The following NRXN3 variants were observed in gnomAD, a reference collection of about 807,000 sequenced individuals.
The protein encoded by NRXN3 is neurexin 3.
A neutral mutation model predicts 137.6 loss-of-function variants in NRXN3; 32 were observed. That is an observed-to-expected ratio of 0.23 (90% confidence interval 0.18 to 0.31). The LOEUF (loss-of-function observed/expected upper bound fraction) is 0.31, where lower values mean the gene tolerates loss of function less well. NRXN3 is among the 10% of genes least tolerant of loss of function. The pLI is 1.00. For synonymous variants in NRXN3, 798 were observed against 784.5 expected (o/e 1.02, Z -0.29); for missense variants, 1,574 against 2,062.5 (o/e 0.76, Z 4.59).
chr14:78,985,835 G>A (rs1404596833), intron 14 of NRXN3, among the ~76,000 whole-genome samples: 4 of 152,164 alleles, frequency 2.6e-5, no homozygotes, highest in African/African-American at 4.8e-5. Flanking sequence ...AATGAAACTT[G>A]TATAACACAA....
intron 20 of NRXN3, among the ~76,000 whole-genome samples, chr14:79,823,282 C>A (rs1349107963): frequency 6.6e-6 from 1 of 152,030 alleles, no homozygotes; most frequent in East Asian, 1.9e-4. Context: ...AAATTCATGC[C>A]AAATTTACTG....
chr14:78,555,060 A>C (rs1189631945), intron 4 of NRXN3, among the ~76,000 whole-genome samples: 1 of 152,116 alleles, frequency 6.6e-6, no homozygotes, highest in Non-Finnish European at 1.5e-5. Context: ...GGCAAGTCAC[A>C]TACCATCCTC....
At chr14:79,288,502 A>G (rs1426100175) in intron 15 of NRXN3, among the ~76,000 whole-genome samples, 1 of 152,224 alleles carries the variant, frequency 6.6e-6, no homozygotes, top group Non-Finnish European at 1.5e-5. Context: ...GACTTCATTT[A>G]ATCCTCACTA....
intron 8 of NRXN3, among the ~76,000 whole-genome samples, chr14:78,730,664 T>A (rs2098510856): frequency 6.6e-6 from 1 of 152,182 alleles, no homozygotes; most frequent in Non-Finnish European, 1.5e-5. Flanking sequence ...CCCTAAGGCC[T>A]CTTTGAGCAC....
chr14:78,873,150 T>G (rs2152571059), intron 10 of NRXN3, among the ~76,000 whole-genome samples: 1 of 152,334 alleles, frequency 6.6e-6, no homozygotes. Context: ...TGTTTACTAC[T>G]GGCTTCTTTC....
At chr14:79,816,844 A>T (rs1180104895) in intron 20 of NRXN3, among the ~76,000 whole-genome samples, 1 of 152,214 alleles carries the variant, frequency 6.6e-6, no homozygotes, top group East Asian at 1.9e-4. Context: ...CATGAGAACC[A>T]TAGTACTGCA....
intron 15 of NRXN3, among the ~76,000 whole-genome samples, chr14:78,996,237 G>A (rs2099529824): frequency 6.6e-6 from 1 of 152,182 alleles, no homozygotes; most frequent in Admixed American, 6.5e-5. Context: ...CCAATGTGCT[G>A]AATTCATTGT....
intron 19 of NRXN3, among the ~76,000 whole-genome samples, chr14:79,751,205 A>G (rs985325405): frequency 1.6e-4 from 25 of 152,204 alleles, no homozygotes; most frequent in Non-Finnish European, 3.5e-4. Flanking sequence ...ACCCATGAGC[A>G]TGGAATGTTC....
chr14:78,947,444 C>T (rs1359225866), intron 10 of NRXN3, among the ~76,000 whole-genome samples: 1 of 152,110 alleles, frequency 6.6e-6, no homozygotes, highest in African/African-American at 2.4e-5. Flanking sequence ...CATAAAGTCC[C>T]CCATCCAGAT....
intron 4 of NRXN3, among the ~76,000 whole-genome samples, chr14:78,455,509 C>T (rs2094673669): frequency 6.6e-6 from 1 of 152,172 alleles, no homozygotes; most frequent in African/African-American, 2.4e-5. Context: ...GCAGCAGTGC[C>T]CGATTTAGTA....
At chr14:79,123,327 T>A (rs2055820701) in intron 15 of NRXN3, among the ~76,000 whole-genome samples, 1 of 152,090 alleles carries the variant, frequency 6.6e-6, no homozygotes, top group South Asian at 2.1e-4. Flanking sequence ...TCAAGATGAG[T>A]TTTCCAATTT....
At chr14:79,470,919 T>TGTGAGAGA (rs1555467278) in intron 16 of NRXN3, among the ~76,000 whole-genome samples, 3 of 131,404 alleles carry the variant, frequency 2.3e-5, no homozygotes, top group Middle Eastern at 3.8e-3. Flanking sequence ...TGTGTGTGTG[T>TGTGAGAGA]GAGAGAGAGA....
Position 79,862,937 on chromosome 14 carries a change from C to T in NRXN3, c.*973C>T, listed in dbSNP as rs183800985. The stretch of plus-strand genomic sequence containing the variant: ...GCCAAATTGTGTTAAAGAGGAAAGC[C>T]CCACAAACTAAAACAGCCTTTCCTA... On this transcript the variant is annotated 3_prime_UTR_variant, in exon 21 of 21. Coordinates refer to ENST00000335750, the MANE Select transcript of NRXN3 (RefSeq NM_001330195.2). The T allele has an allele frequency of 6.6e-6, 1 of 152,444 alleles. No individual in the cohort carries two copies. 9.4% of individuals were successfully genotyped at this position (152,444 alleles called of 1,614,324 possible). A position where few individuals can be genotyped will look rare whatever the true frequency, so the allele number is the denominator to read the frequency against.
At chr14:79,622,441 T>C (rs530896044) in intron 16 of NRXN3, among the ~76,000 whole-genome samples, 158 of 152,296 alleles carry the variant, frequency 1.0e-3, no homozygotes, top group African/African-American at 3.6e-3. Context: ...TTCAATCTTT[T>C]CATTCATGGA....
chr14:79,775,062 A>T (rs777234146), intron 19 of NRXN3, among the ~76,000 whole-genome samples: 4 of 152,130 alleles, frequency 2.6e-5, no homozygotes, highest in Non-Finnish European at 5.9e-5. Context: ...TGGACTTACT[A>T]GTAAAGAAGA....
intron 4 of NRXN3, among the ~76,000 whole-genome samples, chr14:78,454,202 G>A (rs1190105553): frequency 1.3e-5 from 2 of 152,096 alleles, no homozygotes; most frequent in African/African-American, 4.8e-5. Flanking sequence ...TAAGTAAGCA[G>A]GCCATTACTG....
intron 1 of NRXN3, among the ~76,000 whole-genome samples, chr14:78,239,963 C>A (rs564408793): frequency 6.6e-6 from 1 of 152,342 alleles, no homozygotes; most frequent in African/African-American, 2.4e-5. Context: ...CTCGGCCTCC[C>A]AAAGTGCTGG....
chr14:78,593,440 C>T (rs962956303), intron 4 of NRXN3, among the ~76,000 whole-genome samples: 8 of 152,174 alleles, frequency 5.3e-5, no homozygotes, highest in African/African-American at 1.7e-4. Flanking sequence ...CCCTCTCTCC[C>T]TGCTTTCTGT....
intron 10 of NRXN3, among the ~76,000 whole-genome samples, chr14:78,941,865 C>T (rs1336798525): frequency 1.3e-5 from 2 of 152,160 alleles, no homozygotes; most frequent in Non-Finnish European, 2.9e-5. Context: ...GTCGAGTTAG[C>T]CCTGAAGTGG....
Sources: gnomAD v4.1 joint callset for allele counts (sites outside exome capture counted in the v4.1 genomes callset) on GRCh38, gnomAD v4.1.1 for gene constraint, MANE v1.5 for transcripts, NCBI Gene and HGNC (gene_info 2026-07-23, HGNC 2026-07-21) for gene names.